The following DLG2 variants were observed in gnomAD, a reference collection of about 807,000 sequenced individuals.
The protein encoded by DLG2 is discs large MAGUK scaffold protein 2, also known as disks large homolog 2.
Under a neutral mutation model 132.5 loss-of-function variants are expected in DLG2, and 45 were observed. The observed-to-expected ratio is 0.34, with a 90% CI of 0.27 to 0.44. The LOEUF (loss-of-function observed/expected upper bound fraction) is 0.44. Ranked by LOEUF, DLG2 falls within the 20% of genes least tolerant of loss-of-function variation. The pLI is 1.00. For synonymous variants in DLG2, 424 were observed against 419.6 expected (o/e 1.01, Z -0.13); for missense variants, 1,045 against 1,196.9 (o/e 0.87, Z 1.87).
At chr11:85,164,747 A>G (rs1316226948) in intron 4 of DLG2, among the ~76,000 whole-genome samples, 1 of 152,216 alleles carries the variant, frequency 6.6e-6, no homozygotes, top group Non-Finnish European at 1.5e-5. Flanking sequence ...TTTTATGTGC[A>G]TTAACTCATT....
intron 8 of DLG2, among the ~76,000 whole-genome samples, chr11:84,185,952 ATCAGTTC>A (rs1238004875): frequency 6.6e-6 from 1 of 152,058 alleles, no homozygotes; most frequent in East Asian, 1.9e-4. Flanking sequence ...ACTCTTCGTT[ATCAGTTC>A]TTTTCTTTTA....
At chr11:84,869,117 A>G (rs2085076542) in intron 6 of DLG2, among the ~76,000 whole-genome samples, 1 of 152,136 alleles carries the variant, frequency 6.6e-6, no homozygotes, top group Non-Finnish European at 1.5e-5. Context: ...TAATATCACT[A>G]TTTCTCTGCA....
At chr11:83,831,010 C>A (rs993054295) in intron 17 of DLG2, among the ~76,000 whole-genome samples, 12 of 152,180 alleles carry the variant, frequency 7.9e-5, no homozygotes, top group African/African-American at 2.7e-4. Flanking sequence ...TAGAATCAAT[C>A]TTCAGGCTAT....
intron 19 of DLG2, among the ~76,000 whole-genome samples, chr11:83,601,172 T>C (rs1431356343): frequency 6.6e-6 from 1 of 152,230 alleles, no homozygotes; most frequent in Non-Finnish European, 1.5e-5. Flanking sequence ...TATGGCTTTA[T>C]GTTGGAAGAG....
intron 6 of DLG2, among the ~76,000 whole-genome samples, chr11:84,562,359 C>G (rs960920861): frequency 6.6e-6 from 1 of 152,106 alleles, no homozygotes; most frequent in Non-Finnish European, 1.5e-5. Context: ...AAATTGGGAG[C>G]ACTCATTTCC....
At chr11:84,403,505 C>T (rs1393180680) in intron 7 of DLG2, among the ~76,000 whole-genome samples, 2 of 152,142 alleles carry the variant, frequency 1.3e-5, no homozygotes, top group African/African-American at 4.8e-5. Flanking sequence ...ATCTTTTGTG[C>T]TAGACTACCA....
At chr11:85,306,052 T>C (rs2079921726) in intron 3 of DLG2, among the ~76,000 whole-genome samples, 2 of 152,190 alleles carry the variant, frequency 1.3e-5, no homozygotes, top group Admixed American at 1.3e-4. Context: ...AGTTACTTAA[T>C]TTCTATGAGA....
At chr11:85,369,491 G>A (rs777107934) in intron 3 of DLG2, among the ~76,000 whole-genome samples, 34 of 150,788 alleles carry the variant, frequency 2.3e-4, no homozygotes, top group Non-Finnish European at 8.8e-5. Context: ...TTTAGAAGAC[G>A]TTTTTACTAG....
intron 7 of DLG2, among the ~76,000 whole-genome samples, chr11:84,338,995 G>A (rs1018083343): frequency 3.3e-5 from 5 of 152,106 alleles, no homozygotes; most frequent in Admixed American, 1.3e-4. Context: ...TTACATTACA[G>A]TGATGTCTGC....
At chr11:84,505,247 T>C (rs1357587331) in intron 7 of DLG2, among the ~76,000 whole-genome samples, 1 of 152,154 alleles carries the variant, frequency 6.6e-6, no homozygotes, top group Non-Finnish European at 1.5e-5. Context: ...ATATAATAAG[T>C]GAAATGTAAA....
intron 11 of DLG2, among the ~76,000 whole-genome samples, chr11:84,044,572 C>T (rs2096195607): frequency 6.6e-6 from 1 of 151,626 alleles, no homozygotes; most frequent in Non-Finnish European, 1.5e-5. Context: ...GCAAGTGTGT[C>T]ATTTTTCTTG....
At chr11:84,613,832 CACTT>C (rs993904504) in intron 6 of DLG2, among the ~76,000 whole-genome samples, 10 of 152,158 alleles carry the variant, frequency 6.6e-5, no homozygotes, top group African/African-American at 2.4e-4. Flanking sequence ...CTAATGATCA[CACTT>C]AGAGAACTCA....
intron 4 of DLG2, among the ~76,000 whole-genome samples, chr11:85,169,986 G>A (rs1045789173): frequency 2.0e-5 from 3 of 152,052 alleles, no homozygotes; most frequent in Non-Finnish European, 4.4e-5. Context: ...TTTGTCCTAT[G>A]GGGGGAAAAG....
intron 9 of DLG2, among the ~76,000 whole-genome samples, chr11:84,103,223 C>A (rs997928659): frequency 6.6e-6 from 1 of 152,132 alleles, no homozygotes; most frequent in African/African-American, 2.4e-5. Flanking sequence ...TTGCTACCAG[C>A]CAGCAGCATT....
chr11:85,605,298 T>C (rs1474925715), intron 2 of DLG2, among the ~76,000 whole-genome samples: 2 of 152,150 alleles, frequency 1.3e-5, no homozygotes, highest in Non-Finnish European at 2.9e-5. Context: ...CTCTCCACAA[T>C]ACCACCCTTA....
At position 84,684,281 on chromosome 11, in the gene DLG2, G is replaced by T. The variant is rs965050474; in HGVS notation, c.358-149550C>A. Among the ~76,000 whole-genome samples, 9 of 152,190 alleles carry T rather than the reference G, an allele frequency of 5.9e-5. 1 individual carries two copies. The highest frequency in any genetic ancestry group is 3.9e-4 in the Admixed American group (6 of 15,290). ...TATTTTTCCTTTTGTCTTTCCTTGA[G>T]TGCTAATTTTATTCTTGGTATCATC... On this transcript the variant is annotated intron_variant, in intron 6 of 27. Coordinates refer to ENST00000376104, the MANE Select transcript of DLG2 (RefSeq NM_001142699.3).
chr11:85,573,242 C>T (rs1050355957), intron 3 of DLG2, among the ~76,000 whole-genome samples: 3 of 152,274 alleles, frequency 2.0e-5, no homozygotes, highest in Non-Finnish European at 4.4e-5. Flanking sequence ...TTGTTTATAG[C>T]AATGCAAGAA....
intron 6 of DLG2, among the ~76,000 whole-genome samples, chr11:84,823,581 C>CACA (rs2077959600): frequency 1.5e-5 from 2 of 134,496 alleles, no homozygotes; most frequent in East Asian, 4.8e-4. Context: ...GGTTGTATAT[C>CACA]CACACACACA....
intron 7 of DLG2, among the ~76,000 whole-genome samples, chr11:84,459,591 C>T (rs2099074791): frequency 6.7e-6 from 1 of 150,168 alleles, no homozygotes; most frequent in Admixed American, 6.7e-5. Context: ...TATGGGCTGC[C>T]CCATAATTTT....
Sources: gnomAD v4.1 joint callset for allele counts (sites outside exome capture counted in the v4.1 genomes callset) on GRCh38, gnomAD v4.1.1 for gene constraint, MANE v1.5 for transcripts, NCBI Gene and HGNC (gene_info 2026-07-23, HGNC 2026-07-21) for gene names.